The following ITGA9 variants were observed in gnomAD, a reference collection of about 807,000 sequenced individuals.
ITGA9 encodes the protein integrin alpha-9.
Under a neutral mutation model 127.8 loss-of-function variants are expected in ITGA9, and 56 were observed. That is an observed-to-expected ratio of 0.44 (90% CI 0.35 to 0.55). ITGA9 has a LOEUF of 0.55. Among genes scored for constraint, ITGA9 ranks in the 20% least tolerant of loss-of-function variants. The pLI is 0.00. For missense variants in ITGA9, 1,196 were observed against 1,347.1 expected (o/e 0.89, Z 1.76); for synonymous variants, 508 against 514.5 (o/e 0.99, Z 0.17).
At chr3:37,741,866 G>A (rs777460012) in intron 21 of ITGA9, 47 bp downstream of exon 21, 27 of 1,408,360 alleles carry the variant, frequency 1.9e-5, no homozygotes, top group African/African-American at 2.8e-5. Flanking sequence ...GTGCCCTCCA[G>A]TGGAACACTG....
At chr3:37,783,525 G>A (rs1697003184) in intron 25 of ITGA9, among the ~76,000 whole-genome samples, 4 of 151,760 alleles carry the variant, frequency 2.6e-5, no homozygotes, top group Admixed American at 2.6e-4. Flanking sequence ...TTAATCTTTT[G>A]TAGAGATAGG....
rs1260256034 is a variant in ITGA9, at chr3:37,597,828, G to T, written c.1690-31359G>T. Among the ~76,000 whole-genome samples, 3 of 152,216 alleles carry T rather than the reference G, an allele frequency of 2.0e-5. No individual in the cohort carries two copies. Among genetic ancestry groups the T allele is most frequent in the Admixed American group, 1.3e-4 (2 of 15,292 alleles). On this transcript the variant is annotated intron_variant, in intron 15 of 27. Coordinates refer to ENST00000264741, the MANE Select transcript of ITGA9 (RefSeq NM_002207.3). This position sits in a 1 kb window ranked among gnomAD's most constrained non-coding sequence, Gnocchi z 4.6. ...GCAGGGCTTGTTCATATAGCTAGGGGTCAGCTAGCTGTTGGTTATCTAGAC... is the reference window on the plus strand; with the variant it reads ...GCAGGGCTTGTTCATATAGCTAGGGTTCAGCTAGCTGTTGGTTATCTAGAC...
At chr3:37,756,760 AC>A (rs1342525755) in intron 23 of ITGA9, among the ~76,000 whole-genome samples, 1 of 152,224 alleles carries the variant, frequency 6.6e-6, no homozygotes, top group African/African-American at 2.4e-5. Flanking sequence ...ATACAACAAC[AC>A]AAAAATAAGC....
At chr3:37,590,745 G>T (rs1277864411) in intron 15 of ITGA9, among the ~76,000 whole-genome samples, 1 of 152,142 alleles carries the variant, frequency 6.6e-6, no homozygotes, top group Non-Finnish European at 1.5e-5. Context: ...ATGGATGAGG[G>T]CTAAGGCATG....
intron 1 of ITGA9, among the ~76,000 whole-genome samples, chr3:37,469,209 G>C (rs1233250463): frequency 6.6e-6 from 1 of 152,210 alleles, no homozygotes; most frequent in Non-Finnish European, 1.5e-5. Flanking sequence ...GCTCCTGCTG[G>C]GGATGGCCCA....
At chr3:37,477,609 C>T (rs1297411493) in intron 3 of ITGA9, among the ~76,000 whole-genome samples, 1 of 152,190 alleles carries the variant, frequency 6.6e-6, no homozygotes, top group Non-Finnish European at 1.5e-5. Context: ...TTCTCACTCT[C>T]TCATCCTGAG....
chr3:37,791,478 C>T (rs1032838493), intron 26 of ITGA9, among the ~76,000 whole-genome samples: 2 of 152,102 alleles, frequency 1.3e-5, no homozygotes, highest in Admixed American at 6.5e-5. Context: ...GAGAACCAGA[C>T]CAAAAATCAG....
chr3:37,477,228 G>A (rs1196032777), intron 3 of ITGA9, among the ~76,000 whole-genome samples: 3 of 152,226 alleles, frequency 2.0e-5, no homozygotes, highest in Admixed American at 6.5e-5. Context: ...GTGCCTGGGG[G>A]TGTAGGCAAG....
At chr3:37,531,754 T>G (rs764978532) in intron 13 of ITGA9, among the ~76,000 whole-genome samples, 9 of 152,192 alleles carry the variant, frequency 5.9e-5, no homozygotes, top group Non-Finnish European at 8.8e-5. Flanking sequence ...TTAACAAGGG[T>G]GTTTGCACAT....
intron 4 of ITGA9, among the ~76,000 whole-genome samples, chr3:37,489,161 C>A (rs915914249): frequency 2.0e-5 from 3 of 152,216 alleles, no homozygotes; most frequent in African/African-American, 7.2e-5. Flanking sequence ...GAATTTTCTT[C>A]CTTTTTAAAG....
rs569910911 is a variant in ITGA9 at position 37,657,618 on chromosome 3, T to A, written c.1916+3828T>A. On this transcript the variant is annotated intron_variant, in intron 17 of 27. Coordinates refer to ENST00000264741, the MANE Select transcript of ITGA9 (RefSeq NM_002207.3). The stretch of plus-strand genomic sequence containing the variant: ...TGTGGCTAGTGGTCTCTTTTGTTGA[T>A]CTTTTCAAAAAAAAAAACCAGCTCC... Among the ~76,000 whole-genome samples the A allele has an allele frequency of 4.7e-4, 65 of 138,698 alleles. No homozygotes were observed. The East Asian group carries it at 0.013, about 27-fold the overall frequency. 91.0% of individuals were successfully genotyped at this position (138,698 alleles called of 152,430 possible).
At chr3:37,761,652 G>C (rs1696724203) in intron 23 of ITGA9, among the ~76,000 whole-genome samples, 1 of 152,196 alleles carries the variant, frequency 6.6e-6, no homozygotes, top group African/African-American at 2.4e-5. Context: ...TAGAGGGAAG[G>C]CCAAGGTAAA....
chr3:37,636,617 G>T (rs1246955993), intron 16 of ITGA9, among the ~76,000 whole-genome samples: 6 of 152,150 alleles, frequency 3.9e-5, no homozygotes, highest in African/African-American at 1.4e-4. Flanking sequence ...CTTTTGCTGT[G>T]CATAAGCTCT....
intron 27 of ITGA9, among the ~76,000 whole-genome samples, chr3:37,816,856 C>A (rs1258121092): frequency 6.6e-6 from 1 of 152,204 alleles, no homozygotes; most frequent in African/African-American, 2.4e-5. Context: ...GCCAGTTGTT[C>A]TAAGAAAGCT....
intron 15 of ITGA9, among the ~76,000 whole-genome samples, chr3:37,559,963 A>T (rs763361213): frequency 4.6e-5 from 7 of 151,956 alleles, no homozygotes; most frequent in Non-Finnish European, 8.8e-5. Flanking sequence ...CTTTTTTTTA[A>T]AATTATGCTT....
intron 25 of ITGA9, among the ~76,000 whole-genome samples, chr3:37,783,251 C>T (rs1696999797): frequency 6.6e-6 from 1 of 152,172 alleles, no homozygotes; most frequent in African/African-American, 2.4e-5. Context: ...GTGCCAGACT[C>T]CTCGTCTGCT....
intron 18 of ITGA9, among the ~76,000 whole-genome samples, chr3:37,721,553 G>A (rs191033620): frequency 5.7e-4 from 87 of 152,320 alleles, no homozygotes; most frequent in African/African-American, 1.9e-3. Flanking sequence ...ACTTAGAATA[G>A]TGTAGGCCTT....
At chr3:37,679,270 C>T (rs1460432889) in intron 17 of ITGA9, among the ~76,000 whole-genome samples, 1 of 151,934 alleles carries the variant, frequency 6.6e-6, no homozygotes, top group Admixed American at 6.6e-5. Context: ...AAACACTGTT[C>T]CTCAATAAAT....
intron 27 of ITGA9, among the ~76,000 whole-genome samples, chr3:37,816,843 C>T (rs1697439467): frequency 6.6e-6 from 1 of 152,214 alleles, no homozygotes. Flanking sequence ...ACACAAGACT[C>T]TTGCCAGTTG....
Sources: allele counts gnomAD v4.1 joint callset (sites outside exome capture counted in the v4.1 genomes callset), GRCh38; gene constraint gnomAD v4.1.1; non-coding constraint Gnocchi (gnomAD v3.1); transcripts MANE v1.5; gene names NCBI Gene and HGNC (gene_info 2026-07-23, HGNC 2026-07-21).